The following SYT1 variants were observed in gnomAD, a reference collection of about 807,000 sequenced individuals.
SYT1 encodes synaptotagmin 1.
A neutral mutation model predicts 44.8 loss-of-function variants in SYT1; 8 were observed. The observed-to-expected ratio is 0.18, with a 90% confidence interval of 0.10 to 0.32. SYT1 has a LOEUF of 0.32. Among genes scored for constraint, SYT1 ranks in the 10% least tolerant of loss-of-function variants. SYT1 has a pLI of 1.00. For missense variants in SYT1, 286 were observed against 509.3 expected (o/e 0.56, Z 4.22); for synonymous variants, 154 against 188.8 (o/e 0.82, Z 1.51).
intron 4 of SYT1, among the ~76,000 whole-genome samples, chr12:79,264,801 C>T (rs1288785185): frequency 1.3e-5 from 2 of 152,174 alleles, no homozygotes; most frequent in Non-Finnish European, 2.9e-5. Flanking sequence ...AATTCTCAGT[C>T]ACTGTGACTT....
At chr12:79,371,172 A>G (rs1394604698) in intron 9 of SYT1, among the ~76,000 whole-genome samples, 1 of 152,188 alleles carries the variant, frequency 6.6e-6, no homozygotes, top group Admixed American at 6.5e-5. Flanking sequence ...TAAGGTTTGG[A>G]AAAGAGACTC....
intron 2 of SYT1, among the ~76,000 whole-genome samples, chr12:79,008,904 T>A (rs1383980396): frequency 1.3e-5 from 2 of 152,118 alleles, no homozygotes; most frequent in Non-Finnish European, 2.9e-5. Context: ...TTTTCTCTAC[T>A]ACCTAGAAAA....
At chr12:79,160,083 T>C (rs1040174144) in intron 3 of SYT1, among the ~76,000 whole-genome samples, 1 of 152,148 alleles carries the variant, frequency 6.6e-6, no homozygotes, top group African/African-American at 2.4e-5. Context: ...GAAATGATCA[T>C]GTTTTAAGAT....
chr12:79,338,869 C>G (rs1882222082), intron 8 of SYT1, among the ~76,000 whole-genome samples: 1 of 151,996 alleles, frequency 6.6e-6, no homozygotes, highest in Admixed American at 6.5e-5. Flanking sequence ...CACCCTGTGT[C>G]CAAGTGTTCT....
At chr12:79,273,224 C>T (rs561990697) in intron 4 of SYT1, among the ~76,000 whole-genome samples, 2 of 151,586 alleles carry the variant, frequency 1.3e-5, no homozygotes, top group African/African-American at 4.8e-5. Context: ...TTAAGTGATC[C>T]TATCACCTCA....
At chr12:78,986,422 A>G (rs1330710345) in intron 2 of SYT1, among the ~76,000 whole-genome samples, 1 of 151,888 alleles carries the variant, frequency 6.6e-6, no homozygotes, top group African/African-American at 2.4e-5. Context: ...AATTTCTTTC[A>G]TGGTTACAAT....
In SYT1 at chr12:79,451,705, G is replaced by GTATT. The variant is rs1871067461; in HGVS notation, c.*2582_*2585dup. On this transcript the variant is annotated 3_prime_UTR_variant, in exon 11 of 11. Coordinates refer to ENST00000261205, the MANE Select transcript of SYT1 (RefSeq NM_005639.3). ...TACCCTTCTGACAAAGCTGTGTAAAGTATTAGAATCTGATGCTCTAGAAAG... is the reference window on the plus strand; with the variant it reads ...TACCCTTCTGACAAAGCTGTGTAAAGTATTTATTAGAATCTGATGCTCTAGAAAG... The GTATT allele has an allele frequency of 6.6e-6, 1 of 152,180 alleles. No homozygotes were observed. The highest frequency in any genetic ancestry group is 1.5e-5 in the Non-Finnish European group (1 of 68,038). 9.4% of individuals were successfully genotyped at this position (152,180 alleles called of 1,614,324 possible).
At chr12:79,385,012 A>T (rs1884379790) in intron 9 of SYT1, among the ~76,000 whole-genome samples, 2 of 133,286 alleles carry the variant, frequency 1.5e-5, no homozygotes, top group African/African-American at 2.8e-5. Flanking sequence ...TTTTTGAGAC[A>T]GTCTCACTCT....
At chr12:79,125,377 A>G (rs1868373089) in intron 3 of SYT1, among the ~76,000 whole-genome samples, 1 of 151,464 alleles carries the variant, frequency 6.6e-6, no homozygotes. Context: ...TTGAGAGGCC[A>G]AGGCAGGAGG....
At chr12:79,305,061 A>G (rs1169370885) in intron 8 of SYT1, among the ~76,000 whole-genome samples, 2 of 152,120 alleles carry the variant, frequency 1.3e-5, no homozygotes, top group Non-Finnish European at 2.9e-5. Context: ...CCACTTCGTG[A>G]TGTGGTTTCC....
chr12:78,942,742 A>G (rs998512568), intron 1 of SYT1, among the ~76,000 whole-genome samples: 7 of 152,226 alleles, frequency 4.6e-5, no homozygotes, highest in African/African-American at 1.7e-4. Flanking sequence ...CCGTATGAAC[A>G]ACAGTTGTAA....
chr12:79,446,034 T>G (rs1458175618), intron 10 of SYT1, among the ~76,000 whole-genome samples: 1 of 115,542 alleles, frequency 8.7e-6, no homozygotes, highest in African/African-American at 3.4e-5. Context: ...TATATATATA[T>G]TATGCCTAGG....
At chr12:78,879,481 A>T (rs757365314) in intron 1 of SYT1, among the ~76,000 whole-genome samples, 5 of 151,686 alleles carry the variant, frequency 3.3e-5, no homozygotes, top group African/African-American at 4.8e-5. Context: ...ATTCAAACTG[A>T]ACTCATCTTC....
intron 4 of SYT1, among the ~76,000 whole-genome samples, chr12:79,271,718 CT>C (rs1373035965): frequency 6.6e-6 from 1 of 152,188 alleles, no homozygotes; most frequent in East Asian, 1.9e-4. Context: ...AAAGGAAGAT[CT>C]TTTTTTCAAC....
chr12:79,164,000 C>A (rs2138319758), intron 3 of SYT1, among the ~76,000 whole-genome samples: 1 of 152,042 alleles, frequency 6.6e-6, no homozygotes, highest in African/African-American at 2.4e-5. Context: ...GTATGACTTT[C>A]TATCTTTTTT....
chr12:79,085,521 C>G (rs1389096652), intron 3 of SYT1, among the ~76,000 whole-genome samples: 2 of 152,044 alleles, frequency 1.3e-5, no homozygotes, highest in Non-Finnish European at 1.5e-5. Context: ...CAGTGGAGGC[C>G]ACTGAAGTGT....
At chr12:79,192,319 T>C (rs1405502) in intron 3 of SYT1, among the ~76,000 whole-genome samples, 116,830 of 152,080 alleles carry the variant, frequency 0.77, 45,929 homozygotes, top group African/African-American at 0.94. Flanking sequence ...TTGATAGAAT[T>C]ACCAGTTGAT....
chr12:79,428,403 A>G (rs975160500), intron 9 of SYT1, among the ~76,000 whole-genome samples: 2 of 152,108 alleles, frequency 1.3e-5, no homozygotes, highest in Non-Finnish European at 2.9e-5. Context: ...CTGAGACCCC[A>G]AAGTTTCCTA....
intron 9 of SYT1, among the ~76,000 whole-genome samples, chr12:79,365,204 T>C (rs1396803477): frequency 6.6e-6 from 1 of 152,070 alleles, no homozygotes; most frequent in African/African-American, 2.4e-5. Context: ...TATATATACA[T>C]TTTACAAAAT....
Sources: gnomAD v4.1 joint callset for allele counts (sites outside exome capture counted in the v4.1 genomes callset) on GRCh38, gnomAD v4.1.1 for gene constraint, MANE v1.5 for transcripts, NCBI Gene and HGNC (gene_info 2026-07-23, HGNC 2026-07-21) for gene names.